The following FRAS1 variants were observed in gnomAD, a reference collection of about 807,000 sequenced individuals.
FRAS1 encodes Fraser extracellular matrix complex subunit 1, also known as extracellular matrix organizing protein FRAS1.
In FRAS1, 290 loss-of-function variants were observed where a neutral mutation model predicts 435.2. That is an observed-to-expected ratio of 0.67 (90% confidence interval 0.61 to 0.73). The LOEUF is 0.73. FRAS1 is among the 30% of genes least tolerant of loss of function. The pLI, the probability that FRAS1 is intolerant of heterozygous loss-of-function variation, is 0.00. For synonymous variants in FRAS1, 1,800 were observed against 1,851.0 expected, an observed-to-expected ratio of 0.97 and a Z score of 0.71; for missense variants, 4,860 against 5,001.5, an observed-to-expected ratio of 0.97 and a Z score of 0.85.
intron 14 of FRAS1, among the ~76,000 whole-genome samples, chr4:78,293,144 A>G (rs536968794): frequency 3.3e-5 from 5 of 152,310 alleles, no homozygotes; most frequent in South Asian, 4.1e-4. Flanking sequence ...AGTGCCTCTA[A>G]ACAAATAAAC....
At chr4:78,115,109 C>A (rs1320235361) in intron 2 of FRAS1, among the ~76,000 whole-genome samples, 1 of 151,682 alleles carries the variant, frequency 6.6e-6, no homozygotes, top group Admixed American at 6.6e-5. Context: ...GTCTTTGGTT[C>A]TGTTTATATG....
At chr4:78,125,603 G>C (rs1184559176) in intron 2 of FRAS1, among the ~76,000 whole-genome samples, 3 of 152,086 alleles carry the variant, frequency 2.0e-5, no homozygotes, top group African/African-American at 7.2e-5. Flanking sequence ...ATACCTTTCT[G>C]TTTGTTAGTT....
chr4:78,296,439 C>T (rs1728149241), intron 14 of FRAS1, among the ~76,000 whole-genome samples: 1 of 152,054 alleles, frequency 6.6e-6, no homozygotes, highest in African/African-American at 2.4e-5. Flanking sequence ...TGGCTCAGAT[C>T]TCTTTGGAAC....
chr4:78,507,671 AG>A (rs1560417848), intron 62 of FRAS1, 63 bp downstream of exon 62: 22 of 1,448,380 alleles, frequency 1.5e-5, no homozygotes, highest in Non-Finnish European at 2.0e-5. Flanking sequence ...TGAGAACTGA[AG>A]GGAAGTACTC....
intron 2 of FRAS1, among the ~76,000 whole-genome samples, chr4:78,148,904 T>A (rs1005384071): frequency 6.6e-6 from 1 of 152,198 alleles, no homozygotes; most frequent in African/African-American, 2.4e-5. Context: ...TTTTGTCTTA[T>A]CAAGTGAAAA....
chr4:78,534,361 T>C, intron 70 of FRAS1, 88 bp from the exon 71 acceptor site: 1 of 1,049,666 alleles, frequency 9.5e-7, no homozygotes, highest in Non-Finnish European at 1.4e-6. Flanking sequence ...TACAATCCTG[T>C]GGAGGGTGGG....
At chr4:78,094,715 C>A (rs148114355) in intron 2 of FRAS1, among the ~76,000 whole-genome samples, 134 of 152,124 alleles carry the variant, frequency 8.8e-4, no homozygotes, top group African/African-American at 3.0e-3. Flanking sequence ...TTAATAGAAC[C>A]TGTTTATATA....
intron 2 of FRAS1, among the ~76,000 whole-genome samples, chr4:78,165,968 G>A (rs1361278876): frequency 6.6e-6 from 1 of 152,120 alleles, no homozygotes; most frequent in East Asian, 1.9e-4. Flanking sequence ...GGGAAATAGA[G>A]TCCAAAGTCT....
chr4:78,146,887 G>A (rs1278119828), intron 2 of FRAS1, among the ~76,000 whole-genome samples: 1 of 151,712 alleles, frequency 6.6e-6, no homozygotes, highest in South Asian at 2.1e-4. Context: ...TTTTTTGTTT[G>A]TTTAGTTTTC....
chr4:78,470,871 A>G (rs1719683323), intron 51 of FRAS1, among the ~76,000 whole-genome samples: 1 of 152,204 alleles, frequency 6.6e-6, no homozygotes, highest in South Asian at 2.1e-4. Flanking sequence ...TAAGCAAGTG[A>G]TACAGAAATT....
At chr4:78,212,102 G>A (rs1448653095) in intron 2 of FRAS1, among the ~76,000 whole-genome samples, 1 of 152,108 alleles carries the variant, frequency 6.6e-6, no homozygotes, top group Non-Finnish European at 1.5e-5. Context: ...TCTTTCATCT[G>A]TTGAAGAAAC....
At chr4:78,522,550 T>C in intron 68 of FRAS1, 99 bp from the exon 69 acceptor site, 1 of 1,031,056 alleles carries the variant, frequency 9.7e-7, no homozygotes, top group African/African-American at 1.6e-5. Flanking sequence ...GAGAAGAACA[T>C]TAATTCAGTT....
intron 65 of FRAS1, 89 bp downstream of exon 65, chr4:78,513,641 T>C (rs1409462569): frequency 1.7e-6 from 2 of 1,189,944 alleles, no homozygotes; most frequent in Admixed American, 1.9e-5. Flanking sequence ...CTGCTTTTCA[T>C]GTTTTCTGGT....
chr4:78,166,169 G>A (rs1344280571), intron 2 of FRAS1, among the ~76,000 whole-genome samples: 1 of 152,096 alleles, frequency 6.6e-6, no homozygotes, highest in African/African-American at 2.4e-5. Flanking sequence ...TATATTGAAG[G>A]CACTTTGTAT....
rs1262519509 is a variant in FRAS1 at position 78,420,801 on chromosome 4, G to T, written c.4541-1062G>T. On this transcript the variant is annotated intron_variant, in intron 33 of 73. Transcript: ENST00000512123. The stretch of plus-strand genomic sequence containing the variant: ...ACTTTTGGTAAATTACCTGGTCTAG[G>T]CTATGGTAGGGGCAGTAGTATATGC... Among the ~76,000 whole-genome samples, 4 of 148,800 alleles carry T rather than the reference G, an allele frequency of 2.7e-5. No homozygotes were observed. The Admixed American group carries it at 2.7e-4, about 10-fold the overall frequency.
chr4:78,411,117 C>CT (rs766072845), intron 31 of FRAS1, among the ~76,000 whole-genome samples: 2 of 145,540 alleles, frequency 1.4e-5, no homozygotes, highest in African/African-American at 5.1e-5. Flanking sequence ...GATTTTTTTT[C>CT]TTTTTTTTTC....
intron 50 of FRAS1, among the ~76,000 whole-genome samples, chr4:78,468,939 GACAA>G (rs1210037605): frequency 1.3e-5 from 2 of 152,202 alleles, no homozygotes; most frequent in Non-Finnish European, 2.9e-5. Flanking sequence ...GTCCTTTAGA[GACAA>G]ACAGTCTGTG....
chr4:78,171,860 TGACCCGGCCCTTAA>T (rs1464984454), intron 2 of FRAS1, among the ~76,000 whole-genome samples: 1 of 152,142 alleles, frequency 6.6e-6, no homozygotes, highest in African/African-American at 2.4e-5. Context: ...ACAGGCTCGT[TGACCCGGCCCTTAA>T]GAGCACCATC....
intron 2 of FRAS1, among the ~76,000 whole-genome samples, chr4:78,197,713 G>A (rs372486576): frequency 2.6e-5 from 4 of 152,166 alleles, no homozygotes; most frequent in Admixed American, 6.5e-5. Context: ...AGGCTAAGGC[G>A]GGTGGATCAT....
Sources: gnomAD v4.1 joint callset for allele counts (sites outside exome capture counted in the v4.1 genomes callset) on GRCh38, gnomAD v4.1.1 for gene constraint, MANE v1.5 for transcripts, NCBI Gene and HGNC (gene_info 2026-07-23, HGNC 2026-07-21) for gene names.